Variants in LHX3 observed in about 807,000 individuals in gnomAD.
LHX3 encodes LIM homeobox 3.
A neutral mutation model predicts 32.4 loss-of-function variants in LHX3; 21 were observed. That is an observed-to-expected ratio of 0.65 (90% CI 0.46 to 0.93). The LOEUF (loss-of-function observed/expected upper bound fraction) is 0.93, where lower values mean the gene tolerates loss of function less well. LHX3 is among the 40% of genes least tolerant of loss of function. The pLI, the probability that LHX3 is intolerant of heterozygous loss-of-function variation, is 0.00. For synonymous variants in LHX3, 258 were observed against 246.8 expected (o/e 1.05, Z -0.43); for missense variants, 626 against 560.0 (o/e 1.12, Z -1.19).
chr9:136,203,159 C>G, intron 1 of LHX3: 2 of 1,312,696 alleles, frequency 1.5e-6, no homozygotes, highest in Non-Finnish European at 1.9e-6. Context: ...GGGCGCTGCG[C>G]CCGCGGGCCG....
rs1440897705 is a variant in LHX3 at position 136,197,313 on chromosome 9, G to A, written c.*12C>T. 1 of 1,611,208 alleles carries A rather than the reference G, an allele frequency of 6.2e-7. No homozygotes were observed. The highest frequency in any genetic ancestry group is 1.7e-5 in the Admixed American group (1 of 59,994). On this transcript the variant is annotated 3_prime_UTR_variant, in exon 6 of 6. Transcript: ENST00000371748. ...TCCCTCGTGTGAGGTGCAGGGTGGA[G>A]CCGGGCCTGGGTCAGAACTGAGCGT...
At chr9:136,203,610 C>T (rs1408457373) in intron 1 of LHX3, among the ~76,000 whole-genome samples, 1 of 152,232 alleles carries the variant, frequency 6.6e-6, no homozygotes, top group African/African-American at 2.4e-5. Flanking sequence ...GTACCGGAAC[C>T]GCAAGGTGCC....
chr9:136,202,826 G>A, intron 1 of LHX3: 6 of 1,187,146 alleles, frequency 5.1e-6, no homozygotes, highest in South Asian at 1.3e-5. Flanking sequence ...GGACGTTCCG[G>A]GGTCCTCGCG....
chr9:136,198,263 C>T (rs984547411), intron 5 of LHX3, among the ~76,000 whole-genome samples: 2 of 152,188 alleles, frequency 1.3e-5, no homozygotes, highest in African/African-American at 4.8e-5. Flanking sequence ...GTAGCCCCCT[C>T]CCCCAACTCC....
rs917675786 is a variant in LHX3, at chr9:136,196,530, G to C, written c.*795C>G. 1 of 152,808 alleles carries C rather than the reference G, an allele frequency of 6.5e-6. No individual in the cohort carries two copies. Among genetic ancestry groups the C allele is most frequent in the Non-Finnish European group, 1.5e-5 (1 of 68,130 alleles). 9.5% of individuals were successfully genotyped at this position (152,808 alleles called of 1,614,324 possible). ...GAGACTTCCCAATCTGGGGCTGGCA[G>C]AGCCGGCTCCGGCAGGGAGGGCAGG... On this transcript the variant is annotated 3_prime_UTR_variant, in exon 6 of 6. Coordinates refer to ENST00000371748, the MANE Select transcript of LHX3 (RefSeq NM_178138.6).
Position 136,200,554 on chromosome 9 carries a change from C to T in LHX3, c.251+28G>A, listed in dbSNP as rs756151646. 1.4e-5 allele frequency: 23 copies of T among 1,611,398 alleles called. No individual in the cohort carries two copies. In the South Asian group the frequency reaches 2.3e-4, roughly 16 times the overall value. ...CTGGGGCAGGCGTGCCCTCCGCTCCCACACTGAGGTGAGGTTTCGGGGCTC... is the reference window on the plus strand; with the variant it reads ...CTGGGGCAGGCGTGCCCTCCGCTCCTACACTGAGGTGAGGTTTCGGGGCTC... On this transcript the variant is annotated intron_variant, in intron 2 of 5. Coordinates refer to ENST00000371748, the MANE Select transcript of LHX3 (RefSeq NM_178138.6).
intron 1 of LHX3, 106 bp downstream of exon 1, chr9:136,204,828 G>A: frequency 1.1e-6 from 1 of 908,526 alleles, no homozygotes; most frequent in South Asian, 1.4e-5. Flanking sequence ...CCCGCCTGCA[G>A]AGCGGCGGGA....
rs775588698 is a variant in LHX3, at chr9:136,204,982, G to A, written c.31C>T (p.Arg11Ter). 16 of 1,593,210 alleles carry A rather than the reference G, an allele frequency of 1.0e-5. No individual in the cohort carries two copies. The highest frequency in any genetic ancestry group is 2.3e-5 in the East Asian group (1 of 44,294). MLLETGLERD[R>*]ARPGAAAVCT... ...ACGGCGGCGGCCCCGGGCCTCGCTC[G>A]GTCGCGCTCGAGCCCCGTTTCCAGC... Residue 11 changes from arginine (R) to a stop codon, truncating the protein, a stop_gained, in exon 1 of 6, where the codon CGA (arginine) becomes TGA (stop). Coordinates refer to ENST00000371748, the MANE Select transcript of LHX3 (RefSeq NM_178138.6). LOFTEE classifies it high-confidence loss of function.
chr9:136,199,174 C>T (rs1831575388), intron 3 of LHX3, 115 bp from the exon 4 acceptor site: 2 of 505,344 alleles, frequency 4.0e-6, no homozygotes, highest in African/African-American at 2.0e-5. Context: ...CACCCCCATC[C>T]CGCCCCACAG....
At position 136,197,573 on chromosome 9, in the gene LHX3, C is replaced by T. The variant is rs886063703; in HGVS notation, c.946G>A (p.Gly316Ser). 6 of 1,535,252 alleles carry T rather than the reference C, an allele frequency of 3.9e-6. No individual in the cohort carries two copies. Among genetic ancestry groups the T allele is most frequent in the Non-Finnish European group, 5.3e-6 (6 of 1,138,606 alleles). Residue 316 changes from glycine to serine, a missense_variant, in exon 6 of 6, where the codon GGT becomes AGT. Gly to Ser is a moderately conservative substitution (Grantham distance 56). Coordinates refer to ENST00000371748, the MANE Select transcript of LHX3 (RefSeq NM_178138.6). ...GGGGCGGCGGGGGATGGGGGGACAC[C>T]GTAGGGGCTGCCGGGACGCAGCTCT... ...YRELRPGSPY[G>S]VPPSPAAPQS...
intron 1 of LHX3, among the ~76,000 whole-genome samples, chr9:136,204,461 C>A (rs1325455661): frequency 6.6e-6 from 1 of 152,212 alleles, no homozygotes; most frequent in Non-Finnish European, 1.5e-5. Flanking sequence ...GGAGGCGGCC[C>A]ACCCTGCTGG....
At chr9:136,199,935 C>A (rs1039431381) in intron 2 of LHX3, 55 bp from the exon 3 acceptor site, 1 of 1,529,138 alleles carries the variant, frequency 6.5e-7, no homozygotes, top group East Asian at 2.4e-5. Flanking sequence ...CATTTCGCCC[C>A]GAGCGGGTTG....
At chr9:136,198,878 G>A (rs1458451888) in intron 4 of LHX3, 30 bp downstream of exon 4, 2 of 1,591,866 alleles carry the variant, frequency 1.3e-6, no homozygotes, top group Non-Finnish European at 8.5e-7. Flanking sequence ...CAAGGCCGCG[G>A]GCGGGAGGGA....
Position 136,199,980 on chromosome 9 carries a change from C to G in LHX3, c.252-100G>C, listed in dbSNP as rs185278853. ...AAGCGGCTGCCTGGGAAGGCGGCCC[C>G]GGAGGAAGGCTCTGTCCGGCCCTGC... On this transcript the variant is annotated intron_variant, in intron 2 of 5. Coordinates refer to ENST00000371748, the MANE Select transcript of LHX3 (RefSeq NM_178138.6). 4.8e-6 allele frequency: 6 copies of G among 1,261,940 alleles called. No individual in the cohort carries two copies. In the South Asian group the frequency reaches 7.7e-5, roughly 16 times the overall value. The allele number at this position is 1,261,940 out of a possible 1,614,324, so 78.2% of individuals were successfully genotyped here. A position where few individuals can be genotyped will look rare whatever the true frequency, so the allele number is the denominator to read the frequency against.
In LHX3 at chr9:136,205,117, C is replaced by T; in HGVS notation, c.-105G>A. 3 of 954,740 alleles carry T rather than the reference C, an allele frequency of 3.1e-6. No individual in the cohort carries two copies. The highest frequency in any genetic ancestry group is 3.4e-4 in the Middle Eastern group (1 of 2,976). 59.1% of individuals were successfully genotyped at this position (954,740 alleles called of 1,614,324 possible). A position where few individuals can be genotyped will look rare whatever the true frequency, so the allele number is the denominator to read the frequency against. ...CGCCGCGTCGTGCGGGGCAGGGAGCCCGGGAGCCACTGGGCCTGGCGCTGT... is the reference window on the plus strand; with the variant it reads ...CGCCGCGTCGTGCGGGGCAGGGAGCTCGGGAGCCACTGGGCCTGGCGCTGT... On this transcript the variant is annotated 5_prime_UTR_variant, in exon 1 of 6. Coordinates refer to ENST00000371748, the MANE Select transcript of LHX3 (RefSeq NM_178138.6).
At chr9:136,200,002 C>T (rs1831601470) in intron 2 of LHX3, 122 bp from the exon 3 acceptor site, 2 of 1,074,448 alleles carry the variant, frequency 1.9e-6, no homozygotes, top group Admixed American at 2.0e-5. Context: ...CTGTCCGGCC[C>T]TGCAGGGTGG....
chr9:136,198,894 G>A lies in LHX3; in HGVS notation c.606+14C>T, dbSNP rs1256632470. 1 of 1,589,132 alleles carries A rather than the reference G, an allele frequency of 6.3e-7. No homozygotes were observed. The highest frequency in any genetic ancestry group is 8.5e-7 in the Non-Finnish European group (1 of 1,172,332). ...AAGGCCGCGGGCGGGAGGGAAGCAG[G>A]GGCGAGCGCTGACCTGCACCACGCG... On this transcript the variant is annotated intron_variant, in intron 4 of 5. Transcript: ENST00000371748.
At chr9:136,202,045 C>G (rs961302009) in intron 1 of LHX3, among the ~76,000 whole-genome samples, 3 of 152,054 alleles carry the variant, frequency 2.0e-5, no homozygotes, top group African/African-American at 7.2e-5. Context: ...CCAGCCCTGG[C>G]GGGGGCTCCT....
rs751237540 is a variant in LHX3, at chr9:136,197,609, C to T, written c.910G>A (p.Glu304Lys). The T allele has an allele frequency of 2.0e-5, 32 of 1,561,142 alleles. No homozygotes were observed. The highest frequency in any genetic ancestry group is 2.7e-5 in the Non-Finnish European group (31 of 1,154,374). The change falls in exon 6 of 6, where the codon GAG (glutamate) becomes AAG (lysine). Residue 304 changes from glutamate to lysine, a missense_variant. Physicochemically the swap from Glu to Lys is moderately conservative, Grantham distance 56. Transcript: ENST00000371748. ...SLEHGGLAGP[E>K]QYRELRPGSP... ...CCGGGACGCAGCTCTCGGTACTGCTCTGGGCCTGCCAGGCCTCCATGCTCC... is the reference window on the plus strand; with the variant it reads ...CCGGGACGCAGCTCTCGGTACTGCTTTGGGCCTGCCAGGCCTCCATGCTCC...
Sources: gnomAD v4.1 joint callset for allele counts (sites outside exome capture counted in the v4.1 genomes callset) on GRCh38, gnomAD v4.1.1 for gene constraint, MANE v1.5 for transcripts, NCBI Gene and HGNC (gene_info 2026-07-23, HGNC 2026-07-21) for gene names.